The following PASK variants were observed in gnomAD, a reference collection of about 807,000 sequenced individuals.
PASK encodes the protein PAS domain-containing serine/threonine-protein kinase.
PASK carries 110 observed loss-of-function variants against 121.0 expected under a neutral mutation model. The ratio of observed to expected loss-of-function variants is 0.91; its 90% CI spans 0.78 to 1.06. PASK has a LOEUF of 1.06. PASK is among the 50% of genes least tolerant of loss of function. The pLI is 0.00. For missense variants in PASK, 1,643 were observed against 1,702.3 expected (o/e 0.97, Z 0.61); for synonymous variants, 686 against 717.8 (o/e 0.96, Z 0.71).
chr2:241,142,065 T>C (rs2066725706), intron 2 of PASK, among the ~76,000 whole-genome samples: 1 of 152,158 alleles, frequency 6.6e-6, no homozygotes, highest in South Asian at 2.1e-4. Flanking sequence ...GGGCGCTGTG[T>C]GCCTCCCAGC....
Position 241,108,312 on chromosome 2 carries a change from A to C in PASK, c.3534-12T>G, listed in dbSNP as rs921723600. 1.9e-6 allele frequency: 3 copies of C among 1,613,806 alleles called. No individual in the cohort carries two copies. The Admixed American group carries it at 5.0e-5, about 27-fold the overall frequency. On this transcript the variant is annotated splice_polypyrimidine_tract_variant and intron_variant, in intron 15 of 17. Coordinates refer to ENST00000234040, the MANE Select transcript of PASK (RefSeq NM_015148.4). This position sits in a 1 kb window ranked among gnomAD's most constrained non-coding sequence, Gnocchi z 5.2. ...CCGGCCCTCTGTAGCTGTGAGGAGGAGGAGGCATCAGGACGCCACGGCACT... is the reference window on the plus strand; with the variant it reads ...CCGGCCCTCTGTAGCTGTGAGGAGGCGGAGGCATCAGGACGCCACGGCACT...
At position 241,137,105 on chromosome 2, in the gene PASK, T is replaced by C. The variant is rs1226023160; in HGVS notation, c.1036A>G (p.Ser346Gly). Reference protein sequence around the residue: ...RASVWVFCTISGLITLLPDGT... With the variant: ...RASVWVFCTIGGLITLLPDGT... ...TCCGGCAGGAGGGTGATGAGGCCACTGATGGTGCAGAACACCCAGACAGAT... is the reference window on the plus strand; with the variant it reads ...TCCGGCAGGAGGGTGATGAGGCCACCGATGGTGCAGAACACCCAGACAGAT... Residue 346 changes from serine (S) to glycine (G), a missense_variant, in exon 7 of 18, where the codon AGT (serine) becomes GGT (glycine). By Grantham distance (56) the Ser-to-Gly change is moderately conservative. Coordinates refer to ENST00000234040, the MANE Select transcript of PASK (RefSeq NM_015148.4). 16 of 1,613,608 alleles carry C rather than the reference T, an allele frequency of 9.9e-6. No homozygotes were observed. The Admixed American group carries it at 2.7e-4, about 27-fold the overall frequency.
chr2:241,127,050 C>G lies in PASK; in HGVS notation c.1865G>C (p.Arg622Pro). ...CYGSEWGLWWRSQDLAPSPSG... is the reference protein window; with the variant it reads ...CYGSEWGLWWPSQDLAPSPSG... ...GGGGCTGGGGGCCAAGTCCTGGCTT[C>G]GCCACCACAAGCCCCATTCACTCCC... The change falls in exon 10 of 18, where the codon CGA becomes CCA. Residue 622 changes from arginine to proline, a missense_variant. By Grantham distance (103) the Arg-to-Pro change is moderately radical. Coordinates refer to ENST00000234040, the MANE Select transcript of PASK (RefSeq NM_015148.4). 1 of 1,614,138 alleles carries G rather than the reference C, an allele frequency of 6.2e-7. No homozygotes were observed. The highest frequency in any genetic ancestry group is 1.3e-5 in the African/African-American group (1 of 75,058).
In PASK at chr2:241,136,177, C is replaced by CA. The variant is rs1366342142; in HGVS notation, c.1138-139dup. 7.7e-6 allele frequency: 6 copies of CA among 777,628 alleles called. No homozygotes were observed. The African/African-American group carries it at 8.5e-5, about 11-fold the overall frequency. The allele number at this position is 777,628 out of a possible 1,614,324, so 48.2% of individuals were successfully genotyped here. A position where few individuals can be genotyped will look rare whatever the true frequency, so the allele number is the denominator to read the frequency against. ...CTTAAGGTCAGGAAAGGCCTCGGGCCAAATGCCCTTCGACGCACCTGAAGC... is the reference window on the plus strand; with the variant it reads ...CTTAAGGTCAGGAAAGGCCTCGGGCCAAAATGCCCTTCGACGCACCTGAAGC... On this transcript the variant is annotated intron_variant, in intron 7 of 17. Transcript: ENST00000234040.
chr2:241,118,740 G>A (rs992413783), intron 12 of PASK: 5 of 238,344 alleles, frequency 2.1e-5, no homozygotes, highest in South Asian at 1.1e-4. Context: ...GGAGCCCCCA[G>A]TGCAAAGCCC....
At chr2:241,150,035 G>A (rs7596642), upstream of PASK, 467,963 of 1,372,884 alleles carry the variant, frequency 0.34, 84,656 homozygotes, top group Middle Eastern at 0.39. Context: ...CGCAGCCAGC[G>A]AGGCTCGCAG....
In PASK at chr2:241,142,836, C is replaced by T. The variant is rs2066769592; in HGVS notation, c.196+1G>A. The T allele has an allele frequency of 6.2e-7, 1 of 1,609,144 alleles. No individual in the cohort carries two copies. The highest frequency in any genetic ancestry group is 8.5e-7 in the Non-Finnish European group (1 of 1,176,270). On this transcript the variant is annotated splice_donor_variant, in intron 2 of 17. Transcript: ENST00000234040. LOFTEE classifies it high-confidence loss of function. Reference sequence around the variant, plus strand: ...GGCCTGCAGTGGTCGAAGGTCATTACCAGAGAGCGCTGTCCTGCTCTGGCA... The same window carrying T: ...GGCCTGCAGTGGTCGAAGGTCATTATCAGAGAGCGCTGTCCTGCTCTGGCA...
intron 9 of PASK, among the ~76,000 whole-genome samples, chr2:241,129,567 G>T (rs58910368): frequency 0.036 from 5,538 of 152,286 alleles, 340 homozygotes; most frequent in African/African-American, 0.13. Flanking sequence ...AATGCTTTTA[G>T]CATCAATTCT....
In PASK at chr2:241,127,380, G is replaced by A; in HGVS notation, c.1535C>T (p.Thr512Ile). ...EQALPKDQQI[T>I]ALGREEPVAI... is the part of the protein sequence containing the mutation. ...CACAGGTTCCTCTCTCCCCAAGGCA[G>A]TGATTTGCTGGTCCTTGGGCAGCGC... Residue 512 changes from threonine (T) to isoleucine (I), a missense_variant, in exon 10 of 18, where the codon ACT becomes ATT. Thr to Ile is a moderately conservative substitution (Grantham distance 89). This residue lies in a region of PASK where 1,176 missense variants were observed against 1,162.2 expected (regional missense o/e 1.01). Transcript: ENST00000234040. 1 of 1,614,076 alleles carries A rather than the reference G, an allele frequency of 6.2e-7. No homozygotes were observed. Among genetic ancestry groups the A allele is most frequent in the Non-Finnish European group, 8.5e-7 (1 of 1,179,918 alleles).
intron 2 of PASK, 59 bp from the exon 3 acceptor site, chr2:241,140,812 T>C (rs1559399516): frequency 3.5e-6 from 4 of 1,137,488 alleles, no homozygotes; most frequent in Non-Finnish European, 4.0e-6. Context: ...GTCCACCTTC[T>C]GAAACAGGCA....
At chr2:241,120,790 A>G (rs895655651) in intron 12 of PASK, among the ~76,000 whole-genome samples, 5 of 152,252 alleles carry the variant, frequency 3.3e-5, no homozygotes, top group Non-Finnish European at 1.5e-5. Context: ...TTAGACACAG[A>G]GTTACGACAT....
chr2:241,127,563 T>A (rs2065930983), intron 9 of PASK, 112 bp from the exon 10 acceptor site: 9 of 924,672 alleles, frequency 9.7e-6, no homozygotes, highest in African/African-American at 1.6e-5. Flanking sequence ...GCCACCAATT[T>A]ATAACAAGAA....
intron 1 of PASK, among the ~76,000 whole-genome samples, chr2:241,147,918 C>T (rs1340288895): frequency 1.3e-5 from 2 of 152,176 alleles, no homozygotes. Flanking sequence ...CGCTGTGCCT[C>T]CTGGGCATCT....
At chr2:241,149,648 T>G, upstream of PASK, 8 of 1,541,114 alleles carry the variant, frequency 5.2e-6, no homozygotes, top group Non-Finnish European at 7.0e-6. Flanking sequence ...AAAGGAATAA[T>G]GGGCGCCTCC....
chr2:241,142,522 C>T (rs2066749343), intron 2 of PASK, among the ~76,000 whole-genome samples: 3 of 152,244 alleles, frequency 2.0e-5, no homozygotes, highest in Admixed American at 6.5e-5. Context: ...ATAGCCTAAC[C>T]TAGAACAGCG....
At chr2:241,149,955 G>A, upstream of PASK, 1 of 1,427,230 alleles carries the variant, frequency 7.0e-7, no homozygotes, top group South Asian at 1.5e-5. Flanking sequence ...GCGGCATTTC[G>A]CATGGGTAAA....
upstream of PASK, chr2:241,149,728 C>A: frequency 1.3e-6 from 2 of 1,547,666 alleles, no homozygotes; most frequent in South Asian, 1.2e-5. Flanking sequence ...GCAGAGCTCG[C>A]CTCTTGGAGG....
At chr2:241,118,392 A>G (rs2065462757) in intron 12 of PASK, among the ~76,000 whole-genome samples, 1 of 152,202 alleles carries the variant, frequency 6.6e-6, no homozygotes, top group Admixed American at 6.5e-5. Flanking sequence ...CCATGCATCT[A>G]TGGTCAACTG....
intron 12 of PASK, among the ~76,000 whole-genome samples, chr2:241,119,856 C>T (rs1362380504): frequency 6.6e-6 from 1 of 152,154 alleles, no homozygotes; most frequent in African/African-American, 2.4e-5. Flanking sequence ...CCTCTGTCTA[C>T]ACCCTCTCCT....
Sources: gnomAD v4.1 joint callset for allele counts (sites outside exome capture counted in the v4.1 genomes callset) on GRCh38, gnomAD v4.1.1 for gene constraint, gnomAD v4.1.1 regional missense constraint, Gnocchi (gnomAD v3.1) non-coding constraint, MANE v1.5 for transcripts, NCBI Gene and HGNC (gene_info 2026-07-23, HGNC 2026-07-21) for gene names.